Variants in SPAG17 observed in about 807,000 individuals in gnomAD.
SPAG17 encodes the protein sperm-associated antigen 17.
Under a neutral mutation model 273.6 loss-of-function variants are expected in SPAG17, and 169 were observed. The observed-to-expected ratio is 0.62, with a 90% confidence interval of 0.55 to 0.70. The LOEUF is 0.70. Among genes scored for constraint, SPAG17 ranks in the 30% least tolerant of loss-of-function variants. The pLI is 0.00. For synonymous variants in SPAG17, 825 were observed against 873.2 expected (o/e 0.94, Z 0.97); for missense variants, 2,557 against 2,627.8 (o/e 0.97, Z 0.59).
chr1:118,078,300 T>C (rs1654269462), intron 15 of SPAG17, among the ~76,000 whole-genome samples: 1 of 152,120 alleles, frequency 6.6e-6, no homozygotes, highest in African/African-American at 2.4e-5. Context: ...TTTTGGCCCA[T>C]AACCACTTAT....
At chr1:117,971,790 A>G (rs759521433) in intron 45 of SPAG17, 73 bp downstream of exon 45, 107 of 1,303,076 alleles carry the variant, frequency 8.2e-5, no homozygotes, top group Admixed American at 3.9e-4. Flanking sequence ...ACATTTATTG[A>G]TGGAGGTGAC....
chr1:118,064,423 C>G (rs527629004), intron 18 of SPAG17, among the ~76,000 whole-genome samples: 62 of 151,704 alleles, frequency 4.1e-4, no homozygotes, highest in African/African-American at 1.4e-3. Flanking sequence ...ATGAAGAGTT[C>G]ATGTCCTTTG....
chr1:117,997,833 T>C (rs1452067271), intron 32 of SPAG17, among the ~76,000 whole-genome samples: 1 of 152,158 alleles, frequency 6.6e-6, no homozygotes, highest in African/African-American at 2.4e-5. Context: ...TCTTCTTCTT[T>C]TGCTTTTTCA....
intron 30 of SPAG17, among the ~76,000 whole-genome samples, chr1:118,011,901 G>A (rs553551114): frequency 4.3e-4 from 66 of 151,878 alleles, no homozygotes; most frequent in African/African-American, 1.4e-3. Context: ...TAATGCATAC[G>A]TTAATTCACT....
At chr1:118,124,341 G>C (rs1366148706) in intron 3 of SPAG17, among the ~76,000 whole-genome samples, 1 of 152,128 alleles carries the variant, frequency 6.6e-6, no homozygotes, top group Non-Finnish European at 1.5e-5. Flanking sequence ...TTTCCTAAGG[G>C]ATTTAGCTGT....
intron 2 of SPAG17, 90 bp from the exon 3 acceptor site, chr1:118,150,719 G>A: frequency 1.4e-6 from 1 of 704,746 alleles, no homozygotes. Flanking sequence ...TAGGTGATCT[G>A]AAGGGTTGGG....
chr1:118,120,469 T>C lies in SPAG17; in HGVS notation c.316-5028A>G, dbSNP rs566921117. On this transcript the variant is annotated intron_variant, in intron 3 of 48. Transcript: ENST00000336338. ...CATCCTATCACTCTATCCCTCTTAT[T>C]TTATGCCCAAACTGAAAGGAATGAT... Among the ~76,000 whole-genome samples the C allele has an allele frequency of 2.5e-3, 386 of 152,286 alleles. 2 individuals carry two copies. Among genetic ancestry groups the C allele is most frequent in the African/African-American group, 8.7e-3 (362 of 41,558 alleles).
chr1:118,032,201 T>C (rs1271261031), intron 24 of SPAG17, among the ~76,000 whole-genome samples: 1 of 152,196 alleles, frequency 6.6e-6, no homozygotes, highest in Non-Finnish European at 1.5e-5. Flanking sequence ...GCTCTTCTTA[T>C]GTATAAAATG....
chr1:118,135,966 G>T (rs147155176), intron 3 of SPAG17, among the ~76,000 whole-genome samples: 1 of 152,138 alleles, frequency 6.6e-6, no homozygotes, highest in Non-Finnish European at 1.5e-5. Flanking sequence ...GTTCCATTGC[G>T]AGGTACTGTC....
At chr1:117,977,100 A>G (rs1655219488) in intron 43 of SPAG17, among the ~76,000 whole-genome samples, 1 of 151,936 alleles carries the variant, frequency 6.6e-6, no homozygotes, top group South Asian at 2.1e-4. Context: ...ACCTGAGGTC[A>G]GGAGTTCGAG....
chr1:118,070,096 C>G (rs181166453), intron 17 of SPAG17, among the ~76,000 whole-genome samples: 16 of 152,124 alleles, frequency 1.1e-4, no homozygotes, highest in African/African-American at 3.4e-4. Context: ...ATTAAAAGAA[C>G]AGTAACATTT....
At position 117,990,914 on chromosome 1, in the gene SPAG17, G is replaced by A. The variant is rs769877435; in HGVS notation, c.5476-8C>T. ...CTCCATTTTAGGGAAAGACTGAAAT[G>A]AAGATAGAATTACTTATGATGATTA... On this transcript the variant is annotated splice_region_variant and splice_polypyrimidine_tract_variant and intron_variant, in intron 37 of 48. Transcript: ENST00000336338. 5 of 1,529,936 alleles carry A rather than the reference G, an allele frequency of 3.3e-6. No homozygotes were observed. Among genetic ancestry groups the A allele is most frequent in the South Asian group, 1.2e-5 (1 of 83,818 alleles). The allele number at this position is 1,529,936 out of a possible 1,614,324, so 94.8% of individuals were successfully genotyped here. A position where few individuals can be genotyped will look rare whatever the true frequency, so the allele number is the denominator to read the frequency against.
rs780201010 is a variant in SPAG17 at position 117,970,090 on chromosome 1, C to A, written c.6353G>T (p.Ser2118Ile). 6.2e-7 allele frequency: 1 copy of A among 1,613,180 alleles called. No homozygotes were observed. The highest frequency in any genetic ancestry group is 8.5e-7 in the Non-Finnish European group (1 of 1,179,638). The change falls in exon 46 of 49, where the codon AGC becomes ATC. Residue 2118 changes from serine to isoleucine, a missense_variant. Physicochemically the swap from Ser to Ile is moderately radical, Grantham distance 142. Transcript: ENST00000336338. ...CRFKVKQPPPSTGLKVTYKPG... is the reference protein window; with the variant it reads ...CRFKVKQPPPITGLKVTYKPG... Reference sequence around the variant, plus strand: ...TTTGTAAGTCACTTTCAGTCCTGTGCTGGGTGGGGGCTGCTTTACTTTAAA... The same window carrying A: ...TTTGTAAGTCACTTTCAGTCCTGTGATGGGTGGGGGCTGCTTTACTTTAAA...
In SPAG17 at chr1:118,091,923, T is replaced by C. The variant is rs750850923; in HGVS notation, c.1246+7A>G. ...GTTGATCCTCCAGCAGCCGATTTCA[T>C]ACATGCCTGGTGGTGGAGCTTGCGG... On this transcript the variant is annotated splice_region_variant and intron_variant, in intron 9 of 48. Transcript: ENST00000336338. 1.9e-6 allele frequency: 3 copies of C among 1,613,586 alleles called. No homozygotes were observed. The highest frequency in any genetic ancestry group is 1.1e-5 in the South Asian group (1 of 91,070).
Position 117,954,656 on chromosome 1 carries a change from TG to T in SPAG17, c.*1-608del, listed in dbSNP as rs1170768981. On this transcript the variant is annotated intron_variant, in intron 48 of 48. Transcript: ENST00000336338. ...AGTAAAATGTCTAACGGTTTTCCTT[TG>T]TTTATTAAAAGGTTACTTACAAGGA... is the stretch of plus-strand genomic sequence containing the variant. The T allele has an allele frequency of 2.5e-6, 4 of 1,604,824 alleles. No homozygotes were observed. In the East Asian group the frequency reaches 8.9e-5, roughly 36 times the overall value.
Position 118,150,538 on chromosome 1 carries a change from C to T in SPAG17, c.315+5G>A, listed in dbSNP as rs1418100204. The T allele has an allele frequency of 1.3e-6, 2 of 1,498,484 alleles. No homozygotes were observed. Among genetic ancestry groups the T allele is most frequent in the Admixed American group, 4.0e-5 (2 of 50,396 alleles). 92.8% of individuals were successfully genotyped at this position (1,498,484 alleles called of 1,614,324 possible). A position where few individuals can be genotyped will look rare whatever the true frequency, so the allele number is the denominator to read the frequency against. On this transcript the variant is annotated splice_donor_5th_base_variant and intron_variant, in intron 3 of 48. Coordinates refer to ENST00000336338, the MANE Select transcript of SPAG17 (RefSeq NM_206996.4). ...AAAATATCTTCTATAAACACTTTCA[C>T]TTACCTCATAATATAAAGGAGCATT... is the stretch of plus-strand genomic sequence containing the variant.
chr1:118,036,363 C>A (rs1344970835), intron 24 of SPAG17, among the ~76,000 whole-genome samples: 1 of 151,908 alleles, frequency 6.6e-6, no homozygotes, highest in East Asian at 1.9e-4. Context: ...GATTCCTTGG[C>A]AATTTATGCT....
intron 18 of SPAG17, 26 bp downstream of exon 18, chr1:118,066,719 T>C: frequency 1.3e-6 from 2 of 1,597,388 alleles, no homozygotes; most frequent in Non-Finnish European, 1.7e-6. Flanking sequence ...AACTAACTAA[T>C]TAACTAAACT....
At chr1:117,968,803 C>T (rs1235529198) in intron 46 of SPAG17, among the ~76,000 whole-genome samples, 1 of 152,224 alleles carries the variant, frequency 6.6e-6, no homozygotes. Context: ...CTTTTGTGCA[C>T]TGTTCTCACA....
Sources: gnomAD v4.1 joint callset for allele counts (sites outside exome capture counted in the v4.1 genomes callset) on GRCh38, gnomAD v4.1.1 for gene constraint, MANE v1.5 for transcripts, NCBI Gene and HGNC (gene_info 2026-07-23, HGNC 2026-07-21) for gene names.